MGLL: variants seen among roughly 807,000 people sequenced by gnomAD.
The protein encoded by MGLL is lysophospholipase homolog.
MGLL carries 7 observed loss-of-function variants against 29.1 expected under a neutral mutation model. The ratio of observed to expected loss-of-function variants is 0.24; its 90% CI spans 0.14 to 0.45. MGLL has a LOEUF of 0.45. Among genes scored for constraint, MGLL ranks in the 20% least tolerant of loss-of-function variants. The pLI, the probability that MGLL is intolerant of heterozygous loss-of-function variation, is 0.99. For synonymous variants in MGLL, 148 were observed against 168.3 expected, an observed-to-expected ratio of 0.88 and a Z score of 0.93; for missense variants, 356 against 413.6, an observed-to-expected ratio of 0.86 and a Z score of 1.21.
intron 3 of MGLL, among the ~76,000 whole-genome samples, chr3:127,775,867 T>G (rs1162881614): frequency 6.6e-6 from 1 of 152,172 alleles, no homozygotes; most frequent in African/African-American, 2.4e-5. Flanking sequence ...GCCTCCTGGG[T>G]GGGTCCATGT....
chr3:127,810,460 G>C (rs1470589397), intron 2 of MGLL, among the ~76,000 whole-genome samples: 1 of 152,200 alleles, frequency 6.6e-6, no homozygotes, highest in Non-Finnish European at 1.5e-5. Flanking sequence ...ATGCCTGTGA[G>C]AGTGTGATTC....
At chr3:127,751,361 C>T (rs1471558113) in intron 3 of MGLL, among the ~76,000 whole-genome samples, 1 of 151,620 alleles carries the variant, frequency 6.6e-6, no homozygotes, top group Non-Finnish European at 1.5e-5. Context: ...TGATGTGTGC[C>T]ACGCCTGAGC....
chr3:127,774,381 C>T (rs904094984), intron 3 of MGLL, among the ~76,000 whole-genome samples: 6 of 152,262 alleles, frequency 3.9e-5, no homozygotes, highest in Non-Finnish European at 8.8e-5. Flanking sequence ...CTGCACTTGG[C>T]AGGACATAAC....
chr3:127,808,067 C>CT (rs1472550181), intron 2 of MGLL, among the ~76,000 whole-genome samples: 2 of 152,054 alleles, frequency 1.3e-5, no homozygotes, highest in East Asian at 3.9e-4. Flanking sequence ...GACGAAAACT[C>CT]TTTTTTTCTC....
At chr3:127,715,032 G>A (rs916178198) in intron 5 of MGLL, among the ~76,000 whole-genome samples, 1 of 152,192 alleles carries the variant, frequency 6.6e-6, no homozygotes, top group Non-Finnish European at 1.5e-5. Context: ...GTCAGGATCT[G>A]TAGCTTCACA....
intron 2 of MGLL, among the ~76,000 whole-genome samples, chr3:127,817,021 C>A (rs2077769687): frequency 6.6e-6 from 1 of 152,242 alleles, no homozygotes. Flanking sequence ...CGAGGCAGCT[C>A]AGACCGGTGG....
intron 2 of MGLL, among the ~76,000 whole-genome samples, chr3:127,796,610 C>G (rs2077386914): frequency 6.6e-6 from 1 of 152,272 alleles, no homozygotes; most frequent in Middle Eastern, 3.4e-3. Flanking sequence ...CCTGGGTCAG[C>G]AGGACATAAG....
intron 7 of MGLL, among the ~76,000 whole-genome samples, chr3:127,693,109 CG>C (rs1343214498): frequency 6.6e-6 from 1 of 152,192 alleles, no homozygotes; most frequent in Non-Finnish European, 1.5e-5. Context: ...GACTTCAGTG[CG>C]ACGCTAATGG....
At chr3:127,726,190 A>AAAGAAAAGAAAAG (rs1553758469) in intron 3 of MGLL, among the ~76,000 whole-genome samples, 42 of 74,298 alleles carry the variant, frequency 5.7e-4, no homozygotes, top group African/African-American at 2.1e-3. Flanking sequence ...GAAAGAAAAG[A>AAAGAAAAGAAAAG]AAAGAAAGAA....
chr3:127,766,279 G>C (rs1352560748), intron 3 of MGLL, among the ~76,000 whole-genome samples: 1 of 152,176 alleles, frequency 6.6e-6, no homozygotes, highest in Non-Finnish European at 1.5e-5. Flanking sequence ...CCAGGTCTGT[G>C]TGATTTCCTC....
At chr3:127,794,798 T>C (rs2077358277) in intron 2 of MGLL, among the ~76,000 whole-genome samples, 2 of 152,274 alleles carry the variant, frequency 1.3e-5, no homozygotes, top group South Asian at 4.1e-4. Context: ...GACTCTCTTC[T>C]ATGAGTCTTA....
At chr3:127,745,156 G>A (rs1336165852) in intron 3 of MGLL, among the ~76,000 whole-genome samples, 2 of 152,146 alleles carry the variant, frequency 1.3e-5, no homozygotes, top group Non-Finnish European at 1.5e-5. Flanking sequence ...AGCCGCCATC[G>A]GGGCCAGGGT....
At position 127,692,338 on chromosome 3, in the gene MGLL, G is replaced by T; in HGVS notation, c.817-15C>A. ...CCTTCATAAATCTGCAATGAGGAGA[G>T]ACACGGAATCAGAGCTGCACCATCA... On this transcript the variant is annotated splice_polypyrimidine_tract_variant and intron_variant, in intron 7 of 7. Transcript: ENST00000265052. The T allele has an allele frequency of 1.2e-6, 2 of 1,613,964 alleles. No homozygotes were observed. The highest frequency in any genetic ancestry group is 1.1e-5 in the South Asian group (1 of 91,062).
rs562855034 is a variant in MGLL, at chr3:127,809,456, T to C, written c.155+12238A>G. Among the ~76,000 whole-genome samples the C allele has an allele frequency of 7.6e-4, 115 of 152,188 alleles. 2 individuals carry two copies. Among genetic ancestry groups the C allele is most frequent in the Non-Finnish European group, 1.2e-3 (82 of 67,996 alleles). The stretch of plus-strand genomic sequence containing the variant: ...GCCTGGGCAACATAGTGAGATCCTG[T>C]GTCTGCAAAAAATTTAAAAATTGTC... On this transcript the variant is annotated intron_variant, in intron 2 of 7. Coordinates refer to ENST00000265052, the MANE Select transcript of MGLL (RefSeq NM_007283.7).
chr3:127,796,587 G>C (rs1262487818), intron 2 of MGLL, among the ~76,000 whole-genome samples: 1 of 152,162 alleles, frequency 6.6e-6, no homozygotes, highest in Non-Finnish European at 1.5e-5. Flanking sequence ...TTTGAGACCA[G>C]TCCATCTTGA....
At chr3:127,748,850 C>G (rs578050601) in intron 3 of MGLL, among the ~76,000 whole-genome samples, 11 of 152,292 alleles carry the variant, frequency 7.2e-5, no homozygotes, top group Non-Finnish European at 1.3e-4. Context: ...TGGTGTGCAG[C>G]TCCCTCCACA....
chr3:127,725,170 A>G lies in MGLL; in HGVS notation c.263-2604T>C, dbSNP rs116069554. Among the ~76,000 whole-genome samples, 621 of 152,162 alleles carry G rather than the reference A, an allele frequency of 4.1e-3. 8 individuals carry two copies. Among genetic ancestry groups the G allele is most frequent in the African/African-American group, 0.015 (606 of 41,504 alleles). On this transcript the variant is annotated intron_variant, in intron 3 of 7. Coordinates refer to ENST00000265052, the MANE Select transcript of MGLL (RefSeq NM_007283.7). ...CCATCCTCTTCCGAGATCTTGGCTCACTCAGCACCACATGCTCCTGCTGAC... is the reference window on the plus strand; with the variant it reads ...CCATCCTCTTCCGAGATCTTGGCTCGCTCAGCACCACATGCTCCTGCTGAC...
intron 5 of MGLL, among the ~76,000 whole-genome samples, chr3:127,719,069 GAGGAGAC>G (rs1259571752): frequency 6.6e-6 from 1 of 152,218 alleles, no homozygotes; most frequent in Non-Finnish European, 1.5e-5. Context: ...TGGTTAATAA[GAGGAGAC>G]CTGTGTTCCC....
intron 3 of MGLL, among the ~76,000 whole-genome samples, chr3:127,770,417 G>T (rs2076929537): frequency 6.6e-6 from 1 of 152,154 alleles, no homozygotes; most frequent in South Asian, 2.1e-4. Flanking sequence ...GCATAAGGTG[G>T]GAAAGAATGC....
Sources: gnomAD v4.1 joint callset for allele counts (sites outside exome capture counted in the v4.1 genomes callset) on GRCh38, gnomAD v4.1.1 for gene constraint, MANE v1.5 for transcripts, NCBI Gene and HGNC (gene_info 2026-07-23, HGNC 2026-07-21) for gene names.